POGK: variants seen among roughly 807,000 people sequenced by gnomAD.
The protein encoded by POGK is pogo transposable element with KRAB domain.
A neutral mutation model predicts 54.4 loss-of-function variants in POGK; 16 were observed. The observed-to-expected ratio is 0.29, with a 90% CI of 0.20 to 0.45. The LOEUF is 0.45. POGK is among the 20% of genes least tolerant of loss of function. The pLI is 1.00. For missense variants in POGK, 515 were observed against 795.6 expected (o/e 0.65, Z 4.24); for synonymous variants, 271 against 302.2 (o/e 0.90, Z 1.07).
intron 2 of POGK, 126 bp from the exon 3 acceptor site, chr1:166,846,486 T>C: frequency 7.9e-7 from 1 of 1,272,628 alleles, no homozygotes; most frequent in Middle Eastern, 2.4e-4. Flanking sequence ...TTCCCCTGGG[T>C]CAGGGTCCCT....
chr1:166,840,800 G>A (rs1408001344), intron 1 of POGK, among the ~76,000 whole-genome samples, 155 bp from the exon 2 acceptor site: 1 of 152,156 alleles, frequency 6.6e-6, no homozygotes, highest in African/African-American at 2.4e-5. Context: ...ATGTCACCCT[G>A]TAGCTTCCTG....
intron 3 of POGK, 115 bp from the exon 4 acceptor site, chr1:166,847,379 C>A: frequency 1.3e-6 from 1 of 756,916 alleles, no homozygotes; most frequent in Non-Finnish European, 2.1e-6. Context: ...GCCTTTTTCC[C>A]CTTGTTTTTC....
intron 1 of POGK, among the ~76,000 whole-genome samples, chr1:166,840,720 A>G (rs781168522): frequency 1.3e-5 from 2 of 152,174 alleles, no homozygotes; most frequent in African/African-American, 2.4e-5. Flanking sequence ...TCTTCCCCAG[A>G]TAGCTTTTTA....
In POGK at chr1:166,849,041, G is replaced by A. The variant is rs1176198274; in HGVS notation, c.462G>A (p.Leu154=). ...ACTTTGACAGCTTTGGCCTCCGTCT[G>A]CCTCGGGATATCACAGAGCTGCCCG... ...PQHFDSFGLR[L]PRDITELPEW... Residue 154 remains leucine (L), a synonymous_variant, in exon 5 of 6, where the codon CTG becomes CTA. Coordinates refer to ENST00000367876, the MANE Select transcript of POGK (RefSeq NM_017542.5). 9 of 1,614,078 alleles carry A rather than the reference G, an allele frequency of 5.6e-6. No individual in the cohort carries two copies. The East Asian group carries it at 2.0e-4, about 36-fold the overall frequency.
chr1:166,841,158 T>C, intron 2 of POGK, 70 bp downstream of exon 2: 1 of 1,582,158 alleles, frequency 6.3e-7, no homozygotes, highest in Non-Finnish European at 8.6e-7. Flanking sequence ...GCTTTAAGTC[T>C]CCTCCTCAGA....
Position 166,855,523 on chromosome 1 carries a change from A to T in POGK, c.*2953A>T, listed in dbSNP as rs1404306632. ...TACTGTTTCTACCTTACTGCCCTGCACTTTACCCCATCATCTCCCCTCCTT... is the reference window on the plus strand; with the variant it reads ...TACTGTTTCTACCTTACTGCCCTGCTCTTTACCCCATCATCTCCCCTCCTT... On this transcript the variant is annotated 3_prime_UTR_variant, in exon 6 of 6. Coordinates refer to ENST00000367876, the MANE Select transcript of POGK (RefSeq NM_017542.5). 4 of 152,262 alleles carry T rather than the reference A, an allele frequency of 2.6e-5. No individual in the cohort carries two copies. Among genetic ancestry groups the T allele is most frequent in the African/African-American group, 2.4e-5 (1 of 41,436 alleles). 9.4% of individuals were successfully genotyped at this position (152,262 alleles called of 1,614,324 possible).
At chr1:166,840,031 C>G (rs1221557091) in intron 1 of POGK, 1 of 152,184 alleles carries the variant, frequency 6.6e-6, no homozygotes, top group Admixed American at 6.5e-5. Context: ...AAGTTCGGGC[C>G]CCAGCTGCAG....
intron 4 of POGK, among the ~76,000 whole-genome samples, chr1:166,848,122 A>G (rs1480330208): frequency 1.3e-5 from 2 of 152,242 alleles, no homozygotes; most frequent in African/African-American, 4.8e-5. Flanking sequence ...AGACGGCCAA[A>G]ATAGTTTTAT....
intron 3 of POGK, 100 bp downstream of exon 3, chr1:166,846,838 C>T: frequency 6.8e-7 from 1 of 1,466,186 alleles, no homozygotes; most frequent in African/African-American, 1.4e-5. Flanking sequence ...CTCTCCTGAA[C>T]TTAGACTCTG....
chr1:166,849,397 T>C lies in POGK; in HGVS notation c.818T>C (p.Met273Thr). ...CGTGTGGCCGAATATGTCAGATACA[T>C]GCAGGCCAAAGGGGACCCCATCACC... Reference protein sequence around the residue: ...DQRVAEYVRYMQAKGDPITRE... With the variant: ...DQRVAEYVRYTQAKGDPITRE... The change falls in exon 5 of 6, where the codon ATG (methionine) becomes ACG (threonine). Residue 273 changes from methionine (M) to threonine (T), a missense_variant. Transcript: ENST00000367876. 1.2e-6 allele frequency: 2 copies of C among 1,614,188 alleles called. No individual in the cohort carries two copies. Among genetic ancestry groups the C allele is most frequent in the Non-Finnish European group, 1.7e-6 (2 of 1,180,038 alleles).
At chr1:166,843,677 C>T (rs745717675) in intron 2 of POGK, among the ~76,000 whole-genome samples, 2 of 152,200 alleles carry the variant, frequency 1.3e-5, no homozygotes, top group South Asian at 4.1e-4. Flanking sequence ...CCCGAGATCC[C>T]TGCGTCTTTG....
In POGK at chr1:166,850,603, G is replaced by A. The variant is rs1658022641; in HGVS notation, c.*14+180G>A. The A allele has an allele frequency of 2.7e-5, 17 of 618,714 alleles. No homozygotes were observed. In the South Asian group the frequency reaches 4.2e-4, roughly 15 times the overall value. 38.3% of individuals were successfully genotyped at this position (618,714 alleles called of 1,614,324 possible). On this transcript the variant is annotated intron_variant, in intron 5 of 5. Coordinates refer to ENST00000367876, the MANE Select transcript of POGK (RefSeq NM_017542.5). ...ACTGGTCCATGGCCTGTCAGGAACT[G>A]GGCTGCACAGCAGGAGGTGAGCGGC...
At position 166,853,148 on chromosome 1, in the gene POGK, TAGAATAAC is replaced by T; in HGVS notation, c.*580_*587del. ...TCCTCTTTTGGAAAAATGAGATACT[TAGAATAAC>T]AAGAAAATTAAGACATACTGGCCTG... On this transcript the variant is annotated 3_prime_UTR_variant, in exon 6 of 6. Coordinates refer to ENST00000367876, the MANE Select transcript of POGK (RefSeq NM_017542.5). 6.6e-6 allele frequency: 1 copy of T among 152,612 alleles called. No individual in the cohort carries two copies. The highest frequency in any genetic ancestry group is 1.5e-5 in the Non-Finnish European group (1 of 68,016). The allele number at this position is 152,612 out of a possible 1,614,324, so 9.5% of individuals were successfully genotyped here.
intron 2 of POGK, 124 bp downstream of exon 2, chr1:166,841,212 T>G: frequency 7.5e-7 from 1 of 1,333,794 alleles, no homozygotes; most frequent in Non-Finnish European, 1.0e-6. Flanking sequence ...GTGTTTGCAT[T>G]CCTGAGAAAA....
chr1:166,852,317 G>C (rs1341960085), intron 5 of POGK: 1 of 152,198 alleles, frequency 6.6e-6, no homozygotes, highest in Non-Finnish European at 1.5e-5. Flanking sequence ...AGGAGAAAAA[G>C]CTATGCTAAG....
chr1:166,851,947 T>G (rs1658082027), intron 5 of POGK: 1 of 152,246 alleles, frequency 6.6e-6, no homozygotes, highest in Non-Finnish European at 1.5e-5. Context: ...GACTTATGTC[T>G]CCTGCCTTGC....
chr1:166,842,196 A>T (rs1436154327), intron 2 of POGK, among the ~76,000 whole-genome samples: 1 of 152,194 alleles, frequency 6.6e-6, no homozygotes, highest in East Asian at 1.9e-4. Context: ...TTGAGGCTAG[A>T]TTGGTCAACC....
rs1658185126 is a variant in POGK at position 166,854,056 on chromosome 1, C to G, written c.*1486C>G. On this transcript the variant is annotated 3_prime_UTR_variant, in exon 6 of 6. Transcript: ENST00000367876. ...CCTAATTTTTCATCTGTCCTAGTTA[C>G]TGGCTCTTTCTTCATGTCTTATTTC... 1.3e-5 allele frequency: 2 copies of G among 152,248 alleles called. No homozygotes were observed. Among genetic ancestry groups the G allele is most frequent in the Non-Finnish European group, 2.9e-5 (2 of 68,026 alleles). 9.4% of individuals were successfully genotyped at this position (152,248 alleles called of 1,614,324 possible).
Position 166,849,883 on chromosome 1 carries a change from G to A in POGK, c.1304G>A (p.Cys435Tyr). The A allele has an allele frequency of 6.2e-7, 1 of 1,614,246 alleles. No individual in the cohort carries two copies. The highest frequency in any genetic ancestry group is 8.5e-7 in the Non-Finnish European group (1 of 1,180,048). Residue 435 changes from cysteine to tyrosine, a missense_variant, in exon 5 of 6, where the codon TGC becomes TAC. Cys to Tyr is a radical substitution (Grantham distance 194). Coordinates refer to ENST00000367876, the MANE Select transcript of POGK (RefSeq NM_017542.5). Reference sequence around the variant, plus strand: ...TTTCCCAGTGGGATGGAAATTCGCTGCCACCGGTATGGGTGGATGACTGAA... The same window carrying A: ...TTTCCCAGTGGGATGGAAATTCGCTACCACCGGTATGGGTGGATGACTGAA... Reference protein sequence around the residue: ...GKFPSGMEIRCHRYGWMTEDL... With the variant: ...GKFPSGMEIRYHRYGWMTEDL...
Sources: allele counts gnomAD v4.1 joint callset (sites outside exome capture counted in the v4.1 genomes callset), GRCh38; gene constraint gnomAD v4.1.1; transcripts MANE v1.5; gene names NCBI Gene and HGNC (gene_info 2026-07-23, HGNC 2026-07-21).